NAA15: variants seen among roughly 807,000 people sequenced by gnomAD.
NAA15 encodes the protein N-alpha-acetyltransferase 15, NatA auxiliary subunit, also known as N-terminal acetyltransferase.
NAA15 carries 34 observed loss-of-function variants against 114.0 expected under a neutral mutation model. That is an observed-to-expected ratio of 0.30 (90% CI 0.23 to 0.40). The LOEUF is 0.40. Ranked by LOEUF, NAA15 falls within the 10% of genes least tolerant of loss-of-function variation. The pLI is 1.00. For missense variants in NAA15, 658 were observed against 1,004.5 expected (o/e 0.66, Z 4.66); for synonymous variants, 340 against 338.0 (o/e 1.01, Z -0.06).
At chr4:139,312,599 CT>C (rs1413988033) in intron 1 of NAA15, among the ~76,000 whole-genome samples, 1 of 151,826 alleles carries the variant, frequency 6.6e-6, no homozygotes, top group Non-Finnish European at 1.5e-5. Context: ...AATCCCATCG[CT>C]TTGGGAGGCC....
intron 1 of NAA15, among the ~76,000 whole-genome samples, chr4:139,305,652 A>G (rs1029338408): frequency 4.6e-5 from 7 of 150,656 alleles, no homozygotes; most frequent in African/African-American, 1.7e-4. Context: ...GTTCTGCTTC[A>G]GCGTCCTGAG....
At chr4:139,380,529 A>C (rs1209964991) in intron 17 of NAA15, among the ~76,000 whole-genome samples, 9 of 152,230 alleles carry the variant, frequency 5.9e-5, no homozygotes, top group Non-Finnish European at 1.2e-4. Context: ...ATCAGTATGT[A>C]GATTGATTAA....
intron 1 of NAA15, among the ~76,000 whole-genome samples, chr4:139,306,786 G>A (rs1746037700): frequency 6.6e-6 from 1 of 152,132 alleles, no homozygotes; most frequent in African/African-American, 2.4e-5. Context: ...TAGGAAAAAT[G>A]AGGTTGCCAG....
chr4:139,334,251 G>A lies in NAA15; in HGVS notation c.132G>A (p.Glu44=). ...KQILSNPKFA[E]HGETLAMKGL... is the part of the protein sequence containing the mutation. ...TACTTTCTAATCCCAAATTTGCAGA[G>A]CATGGAGGTAAGTGCAAGTAGATAA... Residue 44 remains glutamate (E), a synonymous_variant, in exon 2 of 20, where the codon GAG becomes GAA. Coordinates refer to ENST00000296543, the MANE Select transcript of NAA15 (RefSeq NM_057175.5). 1 of 1,596,126 alleles carries A rather than the reference G, an allele frequency of 6.3e-7. No homozygotes were observed. The highest frequency in any genetic ancestry group is 8.5e-7 in the Non-Finnish European group (1 of 1,172,056).
At chr4:139,373,587 A>G (rs1369876145) in intron 15 of NAA15, among the ~76,000 whole-genome samples, 4 of 152,180 alleles carry the variant, frequency 2.6e-5, no homozygotes, top group Non-Finnish European at 5.9e-5. Context: ...AAGCTGTATC[A>G]CTTGTTTCTC....
chr4:139,334,139 T>G, intron 1 of NAA15, 35 bp from the exon 2 acceptor site: 2 of 1,390,236 alleles, frequency 1.4e-6, no homozygotes, highest in Non-Finnish European at 2.0e-6. Context: ...TTGTATTCCT[T>G]GCTAAACTTA....
At chr4:139,327,335 C>T (rs567607946) in intron 1 of NAA15, among the ~76,000 whole-genome samples, 29 of 152,120 alleles carry the variant, frequency 1.9e-4, no homozygotes, top group African/African-American at 3.9e-4. Context: ...CCACAACCTC[C>T]GTTTCCCGGG....
chr4:139,365,198 T>C (rs1366350738), intron 14 of NAA15, among the ~76,000 whole-genome samples: 2 of 152,020 alleles, frequency 1.3e-5, no homozygotes, highest in Admixed American at 1.3e-4. Flanking sequence ...CCACCACTTC[T>C]GGCTAATTTT....
chr4:139,301,737 C>G lies in NAA15; in HGVS notation c.-41C>G. 6.5e-7 allele frequency: 1 copy of G among 1,540,758 alleles called. No individual in the cohort carries two copies. The highest frequency in any genetic ancestry group is 8.8e-7 in the Non-Finnish European group (1 of 1,139,306). On this transcript the variant is annotated 5_prime_UTR_variant, in exon 1 of 20. Coordinates refer to ENST00000296543, the MANE Select transcript of NAA15 (RefSeq NM_057175.5). ...GCGGCGGTCGGACAAACTGACTGAC[C>G]GAGCCGGGTGGTGGCGGGAGCAGCG...
At chr4:139,329,367 A>G (rs955129925) in intron 1 of NAA15, among the ~76,000 whole-genome samples, 1 of 151,910 alleles carries the variant, frequency 6.6e-6, no homozygotes, top group Admixed American at 6.6e-5. Context: ...TCCTGCTCTT[A>G]GGTGTCTAGA....
At chr4:139,348,205 G>A (rs141935056) in intron 6 of NAA15, among the ~76,000 whole-genome samples, 1,728 of 152,228 alleles carry the variant, frequency 0.011, 37 homozygotes, top group African/African-American at 0.039. Flanking sequence ...TATAATCCCA[G>A]CACTTTGGGA....
chr4:139,357,393 A>G lies in NAA15; in HGVS notation c.1095A>G (p.Gly365=), dbSNP rs377558166. 3 of 1,613,640 alleles carry G rather than the reference A, an allele frequency of 1.9e-6. No homozygotes were observed. The highest frequency in any genetic ancestry group is 1.7e-6 in the Non-Finnish European group (2 of 1,179,784). ...TCTCCCTCTTCTCCTAAGATGATGGAAAGGAGGAACCACCAACCACATTAC... is the reference window on the plus strand; with the variant it reads ...TCTCCCTCTTCTCCTAAGATGATGGGAAGGAGGAACCACCAACCACATTAC... ...SCRLFNPNDD[G]KEEPPTTLLW... is the part of the protein sequence containing the mutation. The change falls in exon 11 of 20, where the codon GGA becomes GGG. Residue 365 remains glycine (G), a synonymous_variant. Coordinates refer to ENST00000296543, the MANE Select transcript of NAA15 (RefSeq NM_057175.5).
chr4:139,341,593 C>CAAAAAAAAAAAAAAAAAA (rs751688160), intron 4 of NAA15, among the ~76,000 whole-genome samples: 3 of 14,434 alleles, frequency 2.1e-4, no homozygotes, highest in Non-Finnish European at 4.0e-4. Flanking sequence ...AACTCTGTCT[C>CAAAAAAAAAAAAAAAAAA]AAAAAAAAAA....
In NAA15 at chr4:139,349,503, G is replaced by C; in HGVS notation, c.733G>C (p.Asp245His). Residue 245 changes from aspartate to histidine, a missense_variant, in exon 7 of 20, where the codon GAT becomes CAT. Asp to His is a moderately conservative substitution (Grantham distance 81). Transcript: ENST00000296543. ...ACTATGTCGTTTGGAAGATGCTGCA[G>C]ATGTTTATAGAGGATTGCAAGAGAG... is the stretch of plus-strand genomic sequence containing the variant. ...LQLCRLEDAADVYRGLQERNP... is the reference protein window; with the variant it reads ...LQLCRLEDAAHVYRGLQERNP... The C allele has an allele frequency of 1.2e-6, 2 of 1,610,360 alleles. No individual in the cohort carries two copies. Among genetic ancestry groups the C allele is most frequent in the Non-Finnish European group, 8.5e-7 (1 of 1,178,850 alleles).
Position 139,360,487 on chromosome 4 carries a change from G to T in NAA15, c.1411-13G>T. 6.6e-7 allele frequency: 1 copy of T among 1,525,748 alleles called. No individual in the cohort carries two copies. Among genetic ancestry groups the T allele is most frequent in the South Asian group, 1.3e-5 (1 of 77,388 alleles). 94.5% of individuals were successfully genotyped at this position (1,525,748 alleles called of 1,614,324 possible). A position where few individuals can be genotyped will look rare whatever the true frequency, so the allele number is the denominator to read the frequency against. ...ATAAAAAGTGATCTTGAAAATATTT[G>T]ATTTCTGTATAGGAAGGAACATCAG... On this transcript the variant is annotated splice_polypyrimidine_tract_variant and intron_variant, in intron 12 of 19. Coordinates refer to ENST00000296543, the MANE Select transcript of NAA15 (RefSeq NM_057175.5).
intron 1 of NAA15, chr4:139,318,255 G>A (rs950489719): frequency 2.0e-4 from 31 of 152,106 alleles, no homozygotes; most frequent in Non-Finnish European, 4.4e-4. Context: ...TTTTGTGTGT[G>A]TGTGTGAAAT....
chr4:139,366,011 CTA>C (rs1396209144), intron 14 of NAA15, among the ~76,000 whole-genome samples: 10 of 138,444 alleles, frequency 7.2e-5, no homozygotes, highest in Non-Finnish European at 1.4e-4. Context: ...TTTTTGGTCT[CTA>C]TTAGAATTTT....
At chr4:139,351,408 C>A in intron 8 of NAA15, 97 bp from the exon 9 acceptor site, 1 of 1,031,768 alleles carries the variant, frequency 9.7e-7, no homozygotes, top group Non-Finnish European at 1.5e-6. Context: ...TGTCTAACAA[C>A]TCTGCTAAAT....
At chr4:139,343,848 A>G (rs1747490762) in intron 5 of NAA15, among the ~76,000 whole-genome samples, 1 of 152,218 alleles carries the variant, frequency 6.6e-6, no homozygotes, top group Non-Finnish European at 1.5e-5. Context: ...TGCCTGAATC[A>G]GTATTACTAT....
Sources: gnomAD v4.1 joint callset for allele counts (sites outside exome capture counted in the v4.1 genomes callset) on GRCh38, gnomAD v4.1.1 for gene constraint, MANE v1.5 for transcripts, NCBI Gene and HGNC (gene_info 2026-07-23, HGNC 2026-07-21) for gene names.